RAB11FIP4: variants seen among roughly 807,000 people sequenced by gnomAD.
The protein encoded by RAB11FIP4 is RAB11 family interacting protein 4.
A neutral mutation model predicts 74.3 loss-of-function variants in RAB11FIP4; 23 were observed. The observed-to-expected ratio is 0.31, with a 90% confidence interval of 0.22 to 0.44. RAB11FIP4 has a LOEUF of 0.44. Among genes scored for constraint, RAB11FIP4 ranks in the 20% least tolerant of loss-of-function variants. The probability of loss-of-function intolerance (pLI) is 1.00; values close to 1 mark genes in which losing one functional copy is unlikely to be tolerated. For missense variants in RAB11FIP4, 630 were observed against 863.9 expected (o/e 0.73, Z 3.39); for synonymous variants, 360 against 359.9 (o/e 1.00, Z 0.00).
chr17:31,469,261 G>A (rs553667742), intron 3 of RAB11FIP4, among the ~76,000 whole-genome samples: 70 of 152,206 alleles, frequency 4.6e-4, no homozygotes, highest in African/African-American at 1.6e-3. Context: ...TAAAGCTTTC[G>A]GTCTGGGAGG....
intron 3 of RAB11FIP4, among the ~76,000 whole-genome samples, chr17:31,484,071 C>CT (rs530656307): frequency 0.21 from 24,257 of 115,698 alleles, 2,953 homozygotes; most frequent in African/African-American, 0.32. Flanking sequence ...AAGATCTTAT[C>CT]TTTTTTTTTT....
intron 1 of RAB11FIP4, among the ~76,000 whole-genome samples, chr17:31,418,247 G>A (rs2071166461): frequency 6.6e-6 from 1 of 152,146 alleles, no homozygotes; most frequent in African/African-American, 2.4e-5. Flanking sequence ...AATTAGCTGG[G>A]TGTGGTGGCA....
At chr17:31,403,076 C>T (rs2071008555) in intron 1 of RAB11FIP4, among the ~76,000 whole-genome samples, 1 of 151,890 alleles carries the variant, frequency 6.6e-6, no homozygotes, top group South Asian at 2.1e-4. Flanking sequence ...GTGGCTATTG[C>T]ATCATTTCTT....
intron 9 of RAB11FIP4, chr17:31,524,257 G>A (rs2072723824): frequency 2.2e-6 from 1 of 452,352 alleles, no homozygotes; most frequent in Non-Finnish European, 4.1e-6. Flanking sequence ...CACAGGGCTG[G>A]TCCAAGATGG....
chr17:31,493,009 G>T (rs754536509), intron 3 of RAB11FIP4, among the ~76,000 whole-genome samples: 1 of 152,070 alleles, frequency 6.6e-6, no homozygotes, highest in Non-Finnish European at 1.5e-5. Context: ...TACAAGGGTC[G>T]TATGAAGGTC....
At position 31,531,891 on chromosome 17, in the gene RAB11FIP4, C is replaced by T. The variant is rs1283118702; in HGVS notation, c.*159C>T. 2 of 627,848 alleles carry T rather than the reference C, an allele frequency of 3.2e-6. No homozygotes were observed. The highest frequency in any genetic ancestry group is 5.4e-5 in the East Asian group (2 of 37,282). 38.9% of individuals were successfully genotyped at this position (627,848 alleles called of 1,614,324 possible). On this transcript the variant is annotated 3_prime_UTR_variant, in exon 15 of 15. Transcript: ENST00000621161. ...CGTGTATATGTGGGGAGGCTGTGCACACGAGCGAGGGGTGAGTGGCCGTGG... is the reference window on the plus strand; with the variant it reads ...CGTGTATATGTGGGGAGGCTGTGCATACGAGCGAGGGGTGAGTGGCCGTGG...
intron 3 of RAB11FIP4, 112 bp from the exon 4 acceptor site, chr17:31,517,539 C>T: frequency 2.0e-6 from 2 of 1,006,628 alleles, no homozygotes; most frequent in South Asian, 1.5e-5. Flanking sequence ...TCTGGGCCTC[C>T]TGTACCCAAT....
At chr17:31,469,958 A>G (rs571931643) in intron 3 of RAB11FIP4, among the ~76,000 whole-genome samples, 3 of 152,328 alleles carry the variant, frequency 2.0e-5, no homozygotes, top group East Asian at 1.9e-4. Flanking sequence ...TAAATGAAGG[A>G]GCTGGAATTG....
rs1203579581 is a variant in RAB11FIP4, at chr17:31,536,914, A to G, written c.*5182A>G. The G allele has an allele frequency of 1.0e-5, 4 of 398,684 alleles. No homozygotes were observed. The highest frequency in any genetic ancestry group is 1.8e-5 in the Non-Finnish European group (4 of 226,086). The allele number at this position is 398,684 out of a possible 1,614,324, so 24.7% of individuals were successfully genotyped here. A position where few individuals can be genotyped will look rare whatever the true frequency, so the allele number is the denominator to read the frequency against. On this transcript the variant is annotated 3_prime_UTR_variant, in exon 15 of 15. Coordinates refer to ENST00000621161, the MANE Select transcript of RAB11FIP4 (RefSeq NM_032932.6). ...ATGCTCACCAGGCGAGGTTTCCCATATGACCTCCCTGCCCCGACCTCGTAG... is the reference window on the plus strand; with the variant it reads ...ATGCTCACCAGGCGAGGTTTCCCATGTGACCTCCCTGCCCCGACCTCGTAG...
At chr17:31,478,323 G>A (rs1051746101) in intron 3 of RAB11FIP4, among the ~76,000 whole-genome samples, 2 of 152,058 alleles carry the variant, frequency 1.3e-5, no homozygotes, top group African/African-American at 2.4e-5. Context: ...TGAACATAAC[G>A]TCTGCCTTCC....
chr17:31,501,361 C>G (rs1266389799), intron 3 of RAB11FIP4, among the ~76,000 whole-genome samples: 1 of 151,986 alleles, frequency 6.6e-6, no homozygotes, highest in Admixed American at 6.6e-5. Context: ...TTTAATACAT[C>G]TCACCTACCA....
intron 3 of RAB11FIP4, among the ~76,000 whole-genome samples, chr17:31,447,468 A>G (rs1349558040): frequency 6.6e-6 from 1 of 152,248 alleles, no homozygotes; most frequent in Non-Finnish European, 1.5e-5. Flanking sequence ...ATCTCAAAAA[A>G]TAAAGTAAAA....
intron 1 of RAB11FIP4, among the ~76,000 whole-genome samples, chr17:31,422,917 CTTT>C (rs35668224): frequency 2.5e-3 from 319 of 126,408 alleles, no homozygotes; most frequent in African/African-American, 8.7e-3. Flanking sequence ...TATTGATTGC[CTTT>C]TTTTTTTTTT....
At chr17:31,396,208 GAAAAGA>G (rs2070929192) in intron 1 of RAB11FIP4, among the ~76,000 whole-genome samples, 1 of 109,848 alleles carries the variant, frequency 9.1e-6, no homozygotes, top group African/African-American at 2.6e-5. Context: ...GAAAAGAAAA[GAAAAGA>G]AAAGAAAGAA....
At chr17:31,402,212 TCCATCCATCCATCCATCCAC>T (rs2151615218) in intron 1 of RAB11FIP4, among the ~76,000 whole-genome samples, 1 of 151,488 alleles carries the variant, frequency 6.6e-6, no homozygotes, top group African/African-American at 2.4e-5. Flanking sequence ...CATCCATCCA[TCCATCCATCCATCCATCCAC>T]CCACCATCTA....
At chr17:31,508,944 G>A (rs1202695472) in intron 3 of RAB11FIP4, 1 of 152,560 alleles carries the variant, frequency 6.6e-6, no homozygotes, top group Non-Finnish European at 1.5e-5. Flanking sequence ...GAAAGGCAGT[G>A]TGGGCTTCAG....
chr17:31,481,530 G>A (rs1008776257), intron 3 of RAB11FIP4, among the ~76,000 whole-genome samples: 5 of 152,140 alleles, frequency 3.3e-5, no homozygotes, highest in African/African-American at 1.2e-4. Context: ...GGGAGGGTGA[G>A]GTGTTTGGGG....
intron 3 of RAB11FIP4, among the ~76,000 whole-genome samples, chr17:31,491,600 G>A (rs1446689881): frequency 6.6e-6 from 1 of 152,178 alleles, no homozygotes; most frequent in Non-Finnish European, 1.5e-5. Flanking sequence ...GGCATGCTAT[G>A]TCTGTCCACA....
intron 3 of RAB11FIP4, among the ~76,000 whole-genome samples, chr17:31,477,701 T>C (rs906212162): frequency 6.6e-6 from 1 of 152,226 alleles, no homozygotes; most frequent in Non-Finnish European, 1.5e-5. Context: ...GGTTCTATGA[T>C]GGTTACTTTG....
Sources: allele counts gnomAD v4.1 joint callset (sites outside exome capture counted in the v4.1 genomes callset), GRCh38; gene constraint gnomAD v4.1.1; transcripts MANE v1.5; gene names NCBI Gene and HGNC (gene_info 2026-07-23, HGNC 2026-07-21).